Variants in ASIC2 observed in about 807,000 individuals in gnomAD.
ASIC2 encodes the protein acid sensing ion channel subunit 2, also known as acid-sensing ion channel 2.
In ASIC2, 25 loss-of-function variants were observed where a neutral mutation model predicts 57.3. The observed-to-expected ratio is 0.44, with a 90% CI of 0.32 to 0.61. The LOEUF is 0.61. ASIC2 is among the 20% of genes least tolerant of loss of function. ASIC2 has a pLI of 0.06. For synonymous variants in ASIC2, 319 were observed against 307.5 expected (o/e 1.04, Z -0.39); for missense variants, 641 against 738.1 (o/e 0.87, Z 1.52).
In ASIC2 at chr17:33,045,950, C is replaced by T. The variant is rs1256054787; in HGVS notation, c.988-17558G>A. On this transcript the variant is annotated intron_variant, in intron 3 of 9. Transcript: ENST00000225823. Reference sequence around the variant, plus strand: ...ACTATCTCAGAGCTGCCGGGTACAGCTATGCAGAGCATGCACTGCGCAACT... The same window carrying T: ...ACTATCTCAGAGCTGCCGGGTACAGTTATGCAGAGCATGCACTGCGCAACT... 2.0e-5 allele frequency among the ~76,000 whole-genome samples: 3 copies of T among 152,216 alleles called. No homozygotes were observed. The East Asian group carries it at 5.8e-4, about 29-fold the overall frequency.
chr17:33,618,064 T>G (rs1179887175), intron 1 of ASIC2, among the ~76,000 whole-genome samples: 1 of 152,068 alleles, frequency 6.6e-6, no homozygotes, highest in East Asian at 1.9e-4. Context: ...GACCAATAGT[T>G]GATTGTGCAG....
chr17:34,155,737 C>A, intron 1 of ASIC2: 1 of 509,906 alleles, frequency 2.0e-6, no homozygotes, highest in Non-Finnish European at 3.5e-6. Context: ...GAAGTGATCC[C>A]CCACCGCAAG....
chr17:33,115,809 G>A (rs909159467), intron 1 of ASIC2, among the ~76,000 whole-genome samples: 5 of 152,184 alleles, frequency 3.3e-5, no homozygotes, highest in African/African-American at 7.2e-5. Flanking sequence ...TGTCACCTTC[G>A]AGAGGGCAGG....
chr17:33,910,890 T>C (rs1341861808), intron 1 of ASIC2, among the ~76,000 whole-genome samples: 2 of 151,992 alleles, frequency 1.3e-5, no homozygotes, highest in African/African-American at 2.4e-5. Flanking sequence ...GCTTGTCCAG[T>C]GGAGAGGGAG....
chr17:33,900,154 C>T (rs748711229), intron 1 of ASIC2, among the ~76,000 whole-genome samples: 9 of 152,164 alleles, frequency 5.9e-5, no homozygotes, highest in Non-Finnish European at 7.3e-5. Flanking sequence ...TCATCAATTC[C>T]GTCACATATT....
intron 1 of ASIC2, among the ~76,000 whole-genome samples, chr17:33,548,497 G>A (rs1339988731): frequency 6.6e-6 from 1 of 152,142 alleles, no homozygotes; most frequent in Admixed American, 6.6e-5. Flanking sequence ...TTGGAAGTCA[G>A]AGCGAGCAAA....
intron 1 of ASIC2, among the ~76,000 whole-genome samples, chr17:33,832,708 T>C (rs1490057386): frequency 6.6e-6 from 1 of 152,182 alleles, no homozygotes; most frequent in Non-Finnish European, 1.5e-5. Flanking sequence ...TAAAGTTAAG[T>C]ATGTTTTTGC....
At chr17:33,465,376 T>C (rs1239070279) in intron 1 of ASIC2, among the ~76,000 whole-genome samples, 13 of 145,930 alleles carry the variant, frequency 8.9e-5, no homozygotes, top group Non-Finnish European at 1.5e-4. Context: ...CTTTTTCTTT[T>C]TTTTTTTTTT....
chr17:33,882,962 A>T (rs1914739804), intron 1 of ASIC2, among the ~76,000 whole-genome samples: 1 of 152,176 alleles, frequency 6.6e-6, no homozygotes, highest in Non-Finnish European at 1.5e-5. Flanking sequence ...CTTTGTAGGG[A>T]CATGGATGAA....
chr17:33,858,684 T>C (rs1914025664), intron 1 of ASIC2, among the ~76,000 whole-genome samples: 1 of 152,238 alleles, frequency 6.6e-6, no homozygotes, highest in Non-Finnish European at 1.5e-5. Context: ...GACTGGATCA[T>C]GGGAGAGCAG....
intron 1 of ASIC2, chr17:34,071,063 C>T (rs1909380463): frequency 6.6e-6 from 1 of 152,176 alleles, no homozygotes; most frequent in African/African-American, 2.4e-5. Flanking sequence ...CTCAGAAGTC[C>T]AGAAGTCAGT....
intron 1 of ASIC2, among the ~76,000 whole-genome samples, chr17:33,743,614 G>A (rs542651554): frequency 3.0e-4 from 45 of 152,318 alleles, no homozygotes; most frequent in African/African-American, 1.1e-3. Context: ...GCCTAAATAG[G>A]ACACATGATT....
At chr17:33,080,432 G>C (rs560822165) in intron 3 of ASIC2, among the ~76,000 whole-genome samples, 1 of 152,246 alleles carries the variant, frequency 6.6e-6, no homozygotes, top group Admixed American at 6.5e-5. Context: ...TGAAGAATCA[G>C]GGATAAGCGA....
At chr17:33,563,423 G>C (rs1916137579) in intron 1 of ASIC2, among the ~76,000 whole-genome samples, 1 of 152,102 alleles carries the variant, frequency 6.6e-6, no homozygotes, top group South Asian at 2.1e-4. Context: ...CCCAACCCTG[G>C]CTCCTTCTGA....
chr17:33,624,132 T>C (rs1279793136), intron 1 of ASIC2: 1 of 152,250 alleles, frequency 6.6e-6, no homozygotes, highest in Admixed American at 6.5e-5. Flanking sequence ...CATTTTGTGC[T>C]GCTTGGCCTG....
At chr17:33,931,915 G>C (rs1915939912) in intron 1 of ASIC2, among the ~76,000 whole-genome samples, 1 of 152,202 alleles carries the variant, frequency 6.6e-6, no homozygotes, top group African/African-American at 2.4e-5. Context: ...GCTGATTCCA[G>C]TAGACCTTTA....
chr17:33,612,091 C>A (rs966271902), intron 1 of ASIC2, among the ~76,000 whole-genome samples: 2 of 152,180 alleles, frequency 1.3e-5, no homozygotes, highest in African/African-American at 2.4e-5. Context: ...AGAAGGAATT[C>A]TTTCTTACTC....
intron 3 of ASIC2, among the ~76,000 whole-genome samples, chr17:33,063,993 C>T (rs1230189624): frequency 1.3e-5 from 2 of 152,166 alleles, no homozygotes; most frequent in African/African-American, 4.8e-5. Flanking sequence ...GTTCTCGTGC[C>T]ATGGTTTTCA....
At chr17:33,472,045 G>A (rs1022586260) in intron 1 of ASIC2, among the ~76,000 whole-genome samples, 4 of 143,370 alleles carry the variant, frequency 2.8e-5, no homozygotes, top group Non-Finnish European at 6.0e-5. Flanking sequence ...TTGATACGGA[G>A]TTTTGCTCTT....
Sources: gnomAD v4.1 joint callset for allele counts (sites outside exome capture counted in the v4.1 genomes callset) on GRCh38, gnomAD v4.1.1 for gene constraint, MANE v1.5 for transcripts, NCBI Gene and HGNC (gene_info 2026-07-23, HGNC 2026-07-21) for gene names.